Variants in NHS observed in about 807,000 individuals in gnomAD.
NHS encodes actin remodeling regulator NHS.
NHS carries 5 observed loss-of-function variants against 72.5 expected under a neutral mutation model. The observed-to-expected ratio is 0.07, with a 90% CI of 0.04 to 0.14. The LOEUF is 0.14. NHS is among the 10% of genes least tolerant of loss of function. NHS has a pLI of 1.00. For missense variants in NHS, 1,072 were observed against 1,355.7 expected, an observed-to-expected ratio of 0.79 and a Z score of 3.29; for synonymous variants, 464 against 547.7, an observed-to-expected ratio of 0.85 and a Z score of 2.13.
At chrX:17,444,479 G>T (rs1026111010) in intron 1 of NHS, among the ~76,000 whole-genome samples, 2 of 112,158 alleles carry the variant, frequency 1.8e-5, no homozygotes, top group African/African-American at 3.2e-5. Flanking sequence ...TAAAATGCTG[G>T]TGCCTGAGTC....
chrX:17,460,602 C>T (rs927362665), intron 1 of NHS, among the ~76,000 whole-genome samples: 2 of 111,325 alleles, frequency 1.8e-5, no homozygotes, highest in Admixed American at 9.6e-5. Context: ...AATTCCAAAT[C>T]ACACCCCCAG....
chrX:17,614,680 C>T (rs984073586), intron 1 of NHS, among the ~76,000 whole-genome samples: 3 of 111,435 alleles, frequency 2.7e-5, no homozygotes, highest in East Asian at 5.6e-4. Context: ...TGCTACCTCA[C>T]GTTTGAAAAT....
At chrX:17,665,442 C>T (rs1189996151) in intron 1 of NHS, among the ~76,000 whole-genome samples, 1 of 104,658 alleles carries the variant, frequency 9.6e-6, no homozygotes, top group Non-Finnish European at 2.0e-5. Context: ...ATTCTCCTGC[C>T]TCAGCCTCCC....
intron 3 of NHS, among the ~76,000 whole-genome samples, chrX:17,705,178 C>T (rs751250627): frequency 4.5e-5 from 5 of 111,878 alleles, no homozygotes; most frequent in African/African-American, 1.6e-4. Context: ...TTGTGTTGAC[C>T]GAGCACATCT....
chrX:17,573,172 G>T (rs1213391198), intron 1 of NHS, among the ~76,000 whole-genome samples: 3 of 111,003 alleles, frequency 2.7e-5, no homozygotes, highest in African/African-American at 9.8e-5. Flanking sequence ...TGCTCTTCTC[G>T]AAGAGTGTCT....
At chrX:17,656,732 C>A (rs1187268217) in intron 1 of NHS, among the ~76,000 whole-genome samples, 1 of 112,568 alleles carries the variant, frequency 8.9e-6, no homozygotes, top group African/African-American at 3.2e-5. Flanking sequence ...CACTTTCCCA[C>A]GCTGCCTACC....
chrX:17,453,402 A>T, intron 1 of NHS, among the ~76,000 whole-genome samples: 1 of 112,132 alleles, frequency 8.9e-6, no homozygotes, highest in Non-Finnish European at 1.9e-5. Flanking sequence ...CAAAAATCAC[A>T]GTAGTGTTAG....
At chrX:17,629,295 T>C (rs1185781153) in intron 1 of NHS, among the ~76,000 whole-genome samples, 3 of 112,028 alleles carry the variant, frequency 2.7e-5, no homozygotes, top group Non-Finnish European at 3.8e-5. Flanking sequence ...TGAGTTGAAA[T>C]TAATCACAAA....
At chrX:17,610,478 TA>T (rs1282691557) in intron 1 of NHS, among the ~76,000 whole-genome samples, 1 of 112,214 alleles carries the variant, frequency 8.9e-6, no homozygotes, top group African/African-American at 3.2e-5. Context: ...AGAGGCAGAA[TA>T]ATTATTTGTT....
At chrX:17,441,031 G>T (rs1471924010) in intron 1 of NHS, among the ~76,000 whole-genome samples, 1 of 111,900 alleles carries the variant, frequency 8.9e-6, no homozygotes, top group Non-Finnish European at 1.9e-5. Flanking sequence ...CTCAGTGACT[G>T]CCCCTCACCC....
chrX:17,712,567 T>G (rs1414579378), intron 3 of NHS, among the ~76,000 whole-genome samples: 1 of 107,760 alleles, frequency 9.3e-6, no homozygotes, highest in Non-Finnish European at 1.9e-5. Flanking sequence ...AAATAAATAT[T>G]AATGTATATG....
chrX:17,526,666 A>G (rs1181653529), intron 1 of NHS, among the ~76,000 whole-genome samples: 1 of 112,151 alleles, frequency 8.9e-6, no homozygotes, highest in Non-Finnish European at 1.9e-5. Flanking sequence ...AGAGAGATCA[A>G]CTAATACGTG....
At chrX:17,403,474 C>T (rs781218079) in intron 1 of NHS, among the ~76,000 whole-genome samples, 2 of 111,599 alleles carry the variant, frequency 1.8e-5, no homozygotes, top group East Asian at 5.7e-4. Context: ...CTTGGTGGAA[C>T]ATTCATAGGT....
chrX:17,625,213 G>T (rs1032605322), intron 1 of NHS, among the ~76,000 whole-genome samples: 1 of 111,542 alleles, frequency 9.0e-6, no homozygotes, highest in African/African-American at 3.3e-5. Context: ...AAGCAATGTG[G>T]CTTAATAGAA....
chrX:17,545,184 G>C (rs933749228), intron 1 of NHS, among the ~76,000 whole-genome samples: 3 of 112,648 alleles, frequency 2.7e-5, no homozygotes, highest in African/African-American at 6.5e-5. Flanking sequence ...ATTGAAGAGT[G>C]TGATGGCCAG....
chrX:17,385,518 A>C (rs1329297997), intron 1 of NHS, among the ~76,000 whole-genome samples: 2 of 111,255 alleles, frequency 1.8e-5, no homozygotes, highest in African/African-American at 6.5e-5. Context: ...TATCCAGAAA[A>C]AATTTTTACT....
intron 4 of NHS, 77 bp downstream of exon 4, chrX:17,719,483 C>T (rs2066392734): frequency 1.2e-6 from 1 of 808,117 alleles, no homozygotes; most frequent in Admixed American, 3.9e-5. Flanking sequence ...CCTCTTTTAA[C>T]TTTATGGAAA....
At chrX:17,556,123 T>A (rs1408040267) in intron 1 of NHS, among the ~76,000 whole-genome samples, 1 of 112,247 alleles carries the variant, frequency 8.9e-6, no homozygotes, top group Non-Finnish European at 1.9e-5. Flanking sequence ...GGGAATCAAG[T>A]CTGGATTTTA....
chrX:17,718,781 AAGG>A (rs752221006), intron 3 of NHS, among the ~76,000 whole-genome samples: 6 of 91,960 alleles, frequency 6.5e-5, no homozygotes, highest in East Asian at 7.8e-4. Flanking sequence ...AGAAGGAAGG[AAGG>A]AGGGAAAGAA....
Sources: allele counts gnomAD v4.1 joint callset (sites outside exome capture counted in the v4.1 genomes callset), GRCh38; gene constraint gnomAD v4.1.1; transcripts MANE v1.5; gene names NCBI Gene and HGNC (gene_info 2026-07-23, HGNC 2026-07-21).